The following SGCZ variants were observed in gnomAD, a reference collection of about 807,000 sequenced individuals.
The protein encoded by SGCZ is zeta-sarcoglycan.
Under a neutral mutation model 41.3 loss-of-function variants are expected in SGCZ, and 40 were observed. The observed-to-expected ratio is 0.97, with a 90% CI of 0.75 to 1.26. The LOEUF (loss-of-function observed/expected upper bound fraction) is 1.26. Ranked by LOEUF, SGCZ falls within the 50% of genes most tolerant of loss-of-function variation. The probability of loss-of-function intolerance (pLI) is 0.00; values close to 1 mark genes in which losing one functional copy is unlikely to be tolerated. For synonymous variants in SGCZ, 206 were observed against 137.5 expected (o/e 1.50, Z -3.49); for missense variants, 552 against 369.8 (o/e 1.49, Z -4.04).
At chr8:14,218,238 T>G (rs1806068761) in intron 4 of SGCZ, among the ~76,000 whole-genome samples, 1 of 152,204 alleles carries the variant, frequency 6.6e-6, no homozygotes, top group Non-Finnish European at 1.5e-5. Flanking sequence ...AAAATGTATG[T>G]GTATTTCTAA....
intron 1 of SGCZ, among the ~76,000 whole-genome samples, chr8:14,933,052 C>T (rs1360476129): frequency 6.6e-6 from 1 of 151,880 alleles, no homozygotes; most frequent in African/African-American, 2.4e-5. Context: ...ACTATGACAG[C>T]AGGGAGGGCA....
intron 4 of SGCZ, among the ~76,000 whole-genome samples, chr8:14,201,856 A>G (rs1478277091): frequency 6.9e-6 from 1 of 144,396 alleles, no homozygotes; most frequent in Non-Finnish European, 1.6e-5. Context: ...TGAGATCTTT[A>G]AAAAACAACA....
chr8:15,036,270 C>A (rs1215790502), intron 1 of SGCZ, among the ~76,000 whole-genome samples: 1 of 151,886 alleles, frequency 6.6e-6, no homozygotes, highest in Non-Finnish European at 1.5e-5. Flanking sequence ...ACACATACAA[C>A]CTACCAAGAA....
chr8:14,266,278 A>G (rs1007450262), intron 3 of SGCZ, among the ~76,000 whole-genome samples: 1 of 152,126 alleles, frequency 6.6e-6, no homozygotes, highest in Non-Finnish European at 1.5e-5. Context: ...TACAAATATA[A>G]CAGGCATGTT....
intron 7 of SGCZ, among the ~76,000 whole-genome samples, chr8:14,100,410 T>G (rs1333000177): frequency 6.6e-6 from 1 of 150,620 alleles, no homozygotes; most frequent in Non-Finnish European, 1.5e-5. Context: ...TCAAAGCAAC[T>G]CTTTAAAAAG....
At chr8:14,311,860 A>G (rs1585349107) in intron 3 of SGCZ, among the ~76,000 whole-genome samples, 3 of 152,192 alleles carry the variant, frequency 2.0e-5, no homozygotes, top group Admixed American at 6.6e-5. Context: ...CACTTAATAT[A>G]TAAGAGGCAG....
chr8:15,196,178 TGAGCCACCGCGCCCGG>T, intron 1 of SGCZ, among the ~76,000 whole-genome samples: 1 of 134,052 alleles, frequency 7.5e-6, no homozygotes, highest in African/African-American at 2.8e-5. Context: ...ATTACAGGCG[TGAGCCACCGCGCCCGG>T]CCAGGCTTCG....
intron 1 of SGCZ, among the ~76,000 whole-genome samples, chr8:14,725,794 G>T (rs1364128627): frequency 2.0e-5 from 3 of 152,088 alleles, no homozygotes; most frequent in African/African-American, 7.2e-5. Flanking sequence ...TTAAAAAGAA[G>T]ATTGAAATAT....
chr8:15,105,358 A>G (rs1284945415), intron 1 of SGCZ, among the ~76,000 whole-genome samples: 5 of 152,214 alleles, frequency 3.3e-5, no homozygotes, highest in African/African-American at 2.4e-5. Flanking sequence ...GAGACTGGGT[A>G]ATTCATGAAG....
chr8:14,344,717 CTT>C (rs138912747), intron 2 of SGCZ, among the ~76,000 whole-genome samples: 1,699 of 152,120 alleles, frequency 0.011, 27 homozygotes, highest in African/African-American at 0.037. Context: ...AATATAACGA[CTT>C]GAGTTAAATT....
In SGCZ at chr8:14,156,055, C is replaced by T. The variant is rs78628812; in HGVS notation, c.547+8525G>A. On this transcript the variant is annotated intron_variant, in intron 5 of 7. Coordinates refer to ENST00000382080, the MANE Select transcript of SGCZ (RefSeq NM_139167.4). ...ACTTCTAGTCCTGAAGCTTGCAGGA[C>T]GAGAAGTTGCTCTGGATGAGTCGGT... Among the ~76,000 whole-genome samples the T allele has an allele frequency of 6.7e-3, 1,020 of 152,214 alleles. 8 individuals carry two copies. Among genetic ancestry groups the T allele is most frequent in the African/African-American group, 0.02 (826 of 41,516 alleles).
chr8:14,881,303 T>C (rs1400519496), intron 1 of SGCZ, among the ~76,000 whole-genome samples: 1 of 152,134 alleles, frequency 6.6e-6, no homozygotes, highest in Non-Finnish European at 1.5e-5. Context: ...TTTATTCATA[T>C]TTACTTTAAA....
intron 3 of SGCZ, among the ~76,000 whole-genome samples, chr8:14,243,516 T>C (rs1450242577): frequency 6.6e-6 from 1 of 152,234 alleles, no homozygotes; most frequent in African/African-American, 2.4e-5. Flanking sequence ...GATTGATTCC[T>C]AACTCTCAGC....
At chr8:15,223,900 G>A (rs181271119) in intron 1 of SGCZ, among the ~76,000 whole-genome samples, 5 of 148,180 alleles carry the variant, frequency 3.4e-5, no homozygotes, top group Non-Finnish European at 7.4e-5. Context: ...AGTCTCACTC[G>A]GCAGAGTGCA....
At chr8:14,855,454 C>G (rs1446279437) in intron 1 of SGCZ, among the ~76,000 whole-genome samples, 1 of 152,036 alleles carries the variant, frequency 6.6e-6, no homozygotes, top group Non-Finnish European at 1.5e-5. Context: ...AAAACATTGC[C>G]CCATTTTACC....
intron 2 of SGCZ, among the ~76,000 whole-genome samples, chr8:14,538,253 G>C (rs949331152): frequency 6.6e-6 from 1 of 151,820 alleles, no homozygotes; most frequent in Admixed American, 6.6e-5. Context: ...GTTTAGTGAA[G>C]GCAACCCTTA....
chr8:14,897,312 C>A (rs933270163), intron 1 of SGCZ, among the ~76,000 whole-genome samples: 1 of 152,290 alleles, frequency 6.6e-6, no homozygotes, highest in African/African-American at 2.4e-5. Context: ...AAGTTCCCAT[C>A]TGATAAAAGG....
intron 1 of SGCZ, among the ~76,000 whole-genome samples, chr8:14,752,879 G>C (rs1341046598): frequency 6.6e-6 from 1 of 152,108 alleles, no homozygotes; most frequent in Non-Finnish European, 1.5e-5. Flanking sequence ...AATCATCAAA[G>C]CACTATCTGT....
intron 1 of SGCZ, among the ~76,000 whole-genome samples, chr8:14,636,844 G>A (rs1001784656): frequency 2.6e-5 from 4 of 151,846 alleles, no homozygotes; most frequent in African/African-American, 4.8e-5. Flanking sequence ...AAACAAAAGC[G>A]AAAGTCATTA....
Sources: gnomAD v4.1 joint callset for allele counts (sites outside exome capture counted in the v4.1 genomes callset) on GRCh38, gnomAD v4.1.1 for gene constraint, MANE v1.5 for transcripts, NCBI Gene and HGNC (gene_info 2026-07-23, HGNC 2026-07-21) for gene names.